The following RAB40C variants were observed in gnomAD, a reference collection of about 807,000 sequenced individuals.
RAB40C encodes ras-related protein Rab-40C.
RAB40C carries 8 observed loss-of-function variants against 28.1 expected under a neutral mutation model. The ratio of observed to expected loss-of-function variants is 0.28; its 90% CI spans 0.17 to 0.51. The LOEUF (loss-of-function observed/expected upper bound fraction) is 0.51. RAB40C is among the 20% of genes least tolerant of loss of function. The pLI is 0.97. For missense variants in RAB40C, 288 were observed against 405.9 expected, an observed-to-expected ratio of 0.71 and a Z score of 2.50; for synonymous variants, 201 against 171.7, an observed-to-expected ratio of 1.17 and a Z score of -1.34.
chr16:596,402 C>T (rs1257568726), intron 1 of RAB40C: 2 of 453,182 alleles, frequency 4.4e-6, no homozygotes, highest in African/African-American at 4.0e-5. Context: ...TGGCGTAGAG[C>T]AGGAAGGGGT....
At chr16:589,492 CGTTGAA>C (rs1186641036), upstream of RAB40C, 8 of 152,374 alleles carry the variant, frequency 5.3e-5, no homozygotes, top group African/African-American at 1.9e-4. Flanking sequence ...CCCGTCCGCG[CGTTGAA>C]GGGGCGGATA....
intron 3 of RAB40C, among the ~76,000 whole-genome samples, chr16:619,273 TGTG>T (rs1298139957): frequency 3.3e-5 from 5 of 150,340 alleles, no homozygotes; most frequent in South Asian, 2.1e-4. Context: ...TGTGTGCAGG[TGTG>T]GTGTACTTGG....
intron 1 of RAB40C, among the ~76,000 whole-genome samples, chr16:604,349 G>T (rs117745787): frequency 6.6e-6 from 1 of 152,166 alleles, no homozygotes; most frequent in African/African-American, 2.4e-5. Flanking sequence ...AAATACGCAC[G>T]AGGCCTTCTG....
In RAB40C at chr16:613,241, C is replaced by T. The variant is rs532551579; in HGVS notation, c.143-3967C>T. On this transcript the variant is annotated intron_variant, in intron 1 of 5. Coordinates refer to ENST00000248139, the MANE Select transcript of RAB40C (RefSeq NM_021168.5). ...CCGCCCTGGCCTGTAGCATCAAGAG[C>T]AGGGACAGCCGCCCTGGCCTGTAGC... is the stretch of plus-strand genomic sequence containing the variant. Among the ~76,000 whole-genome samples, 7 of 146,056 alleles carry T rather than the reference C, an allele frequency of 4.8e-5. No individual in the cohort carries two copies. In the South Asian group the frequency reaches 1.5e-3, roughly 32 times the overall value.
intron 1 of RAB40C, among the ~76,000 whole-genome samples, chr16:600,026 A>G (rs374368525): frequency 6.6e-6 from 1 of 151,006 alleles, no homozygotes; most frequent in East Asian, 2.0e-4. Flanking sequence ...GTGGATTCGC[A>G]AGGTTTTGTT....
intron 4 of RAB40C, 92 bp downstream of exon 4, chr16:625,601 C>G: frequency 1.5e-6 from 2 of 1,307,736 alleles, no homozygotes; most frequent in Non-Finnish European, 2.2e-6. Flanking sequence ...GCCTGCCGCC[C>G]CTCCTGTGGC....
At chr16:625,055 C>T (rs1002471631) in intron 3 of RAB40C, 12 of 1,294,820 alleles carry the variant, frequency 9.3e-6, no homozygotes, top group African/African-American at 3.0e-5. Context: ...CAGGTACTCC[C>T]GGGGGGATTC....
At position 616,464 on chromosome 16, in the gene RAB40C, G is replaced by A. The variant is rs374571388; in HGVS notation, c.143-744G>A. 4.6e-5 allele frequency among the ~76,000 whole-genome samples: 7 copies of A among 151,696 alleles called. No individual in the cohort carries two copies. The South Asian group carries it at 1.5e-3, about 32-fold the overall frequency. On this transcript the variant is annotated intron_variant, in intron 1 of 5. Transcript: ENST00000248139. ...AGTGATTCTCCTGCCTCAGCCTCCC[G>A]AGTAGCTGGGATTAAAGGTGCCCAC... is the stretch of plus-strand genomic sequence containing the variant.
Position 610,678 on chromosome 16 carries a change from G to A in RAB40C, c.143-6530G>A, listed in dbSNP as rs972667133. 6.6e-6 allele frequency among the ~76,000 whole-genome samples: 1 copy of A among 151,988 alleles called. No individual in the cohort carries two copies. Among genetic ancestry groups the A allele is most frequent in the Non-Finnish European group, 1.5e-5 (1 of 67,986 alleles). Reference sequence around the variant, plus strand: ...CCCTGCCCCTGCGCCGTCCCCCAGCGCGGGCTCCAGGCCTCTCCTGGGTCA... The same window carrying A: ...CCCTGCCCCTGCGCCGTCCCCCAGCACGGGCTCCAGGCCTCTCCTGGGTCA... On this transcript the variant is annotated intron_variant, in intron 1 of 5. Transcript: ENST00000248139. This position sits in a 1 kb window ranked among gnomAD's most constrained non-coding sequence, Gnocchi z 4.6.
chr16:611,266 C>T (rs540885088), intron 1 of RAB40C, among the ~76,000 whole-genome samples: 68 of 152,328 alleles, frequency 4.5e-4, no homozygotes, highest in Non-Finnish European at 7.1e-4. Context: ...TGGGCCATGG[C>T]GCCATCTAGG....
intron 3 of RAB40C, among the ~76,000 whole-genome samples, chr16:623,306 T>C (rs2036759639): frequency 6.6e-6 from 1 of 152,246 alleles, no homozygotes; most frequent in Non-Finnish European, 1.5e-5. Flanking sequence ...TTTATGTCCA[T>C]ATAAACTTCT....
At chr16:598,577 A>AG (rs1332478686) in intron 1 of RAB40C, among the ~76,000 whole-genome samples, 1 of 150,740 alleles carries the variant, frequency 6.6e-6, no homozygotes, top group African/African-American at 2.4e-5. Flanking sequence ...AAAAAAAAAA[A>AG]AAAGAAAAAA....
In RAB40C at chr16:598,637, G is replaced by A. The variant is rs1306321373; in HGVS notation, c.142+8204G>A. The stretch of plus-strand genomic sequence containing the variant: ...CACGTCTGTAGTCCCAATTACTTGG[G>A]AGGCTGAGGTGGGAAACTCACTGGA... On this transcript the variant is annotated intron_variant, in intron 1 of 5. Coordinates refer to ENST00000248139, the MANE Select transcript of RAB40C (RefSeq NM_021168.5). 3.3e-5 allele frequency among the ~76,000 whole-genome samples: 5 copies of A among 152,088 alleles called. No individual in the cohort carries two copies. In the East Asian group the frequency reaches 9.6e-4, roughly 29 times the overall value.
At chr16:601,815 T>TAAAAAAAAAAAAAAAAAAAA (rs60094426) in intron 1 of RAB40C, among the ~76,000 whole-genome samples, 1 of 27,198 alleles carries the variant, frequency 3.7e-5, no homozygotes, top group Non-Finnish European at 7.1e-5. Context: ...CAAAAAAAAG[T>TAAAAAAAAAAAAAAAAAAAA]AAAAAAAAAA....
chr16:623,805 C>A, intron 3 of RAB40C: 1 of 269,140 alleles, frequency 3.7e-6, no homozygotes, highest in Non-Finnish European at 5.7e-6. Flanking sequence ...AAAAACTTAG[C>A]CAGATGTGGT....
Position 610,860 on chromosome 16 carries a change from C to T in RAB40C, c.143-6348C>T, listed in dbSNP as rs1238352271. Reference sequence around the variant, plus strand: ...TCCCTCTGAGAGTCCAGACCTTTTCCAGAGTGACATCCTGGGGCCCTGTGT... The same window carrying T: ...TCCCTCTGAGAGTCCAGACCTTTTCTAGAGTGACATCCTGGGGCCCTGTGT... On this transcript the variant is annotated intron_variant, in intron 1 of 5. Transcript: ENST00000248139. The surrounding 1 kb of genome is among the most constrained non-coding windows in gnomAD (Gnocchi z 4.6). 6.6e-6 allele frequency among the ~76,000 whole-genome samples: 1 copy of T among 152,124 alleles called. No homozygotes were observed. The highest frequency in any genetic ancestry group is 2.4e-5 in the African/African-American group (1 of 41,430).
intron 1 of RAB40C, chr16:596,319 T>G: frequency 2.2e-6 from 1 of 456,114 alleles, no homozygotes; most frequent in South Asian, 1.5e-5. Context: ...ATTTGAAGAT[T>G]GCAGCTGAGA....
chr16:607,868 A>G (rs1007946463), intron 1 of RAB40C, among the ~76,000 whole-genome samples: 4 of 152,194 alleles, frequency 2.6e-5, no homozygotes, highest in Non-Finnish European at 5.9e-5. Context: ...ACGAAGTCGC[A>G]CCTAGTAAAG....
At chr16:597,937 C>CA (rs57539332) in intron 1 of RAB40C, among the ~76,000 whole-genome samples, 9,395 of 28,478 alleles carry the variant, frequency 0.33, 2,487 homozygotes, top group East Asian at 0.6. Context: ...CCCATCTCTA[C>CA]AAAAAAAAAA....
Sources: allele counts gnomAD v4.1 joint callset (sites outside exome capture counted in the v4.1 genomes callset), GRCh38; gene constraint gnomAD v4.1.1; non-coding constraint Gnocchi (gnomAD v3.1); transcripts MANE v1.5; gene names NCBI Gene and HGNC (gene_info 2026-07-23, HGNC 2026-07-21).